Variants in VPS13B observed in about 807,000 individuals in gnomAD.
VPS13B encodes the protein intermembrane lipid transfer protein VPS13B.
A neutral mutation model predicts 426.4 loss-of-function variants in VPS13B; 285 were observed. That is an observed-to-expected ratio of 0.67 (90% confidence interval 0.61 to 0.74). The LOEUF (loss-of-function observed/expected upper bound fraction) is 0.74. Among genes scored for constraint, VPS13B ranks in the 30% least tolerant of loss-of-function variants. The pLI is 0.00. For missense variants in VPS13B, 4,537 were observed against 4,782.6 expected, an observed-to-expected ratio of 0.95 and a Z score of 1.51; for synonymous variants, 1,676 against 1,676.4, an observed-to-expected ratio of 1.00 and a Z score of 0.01.
At chr8:99,217,658 A>C (rs146652287) in intron 17 of VPS13B, among the ~76,000 whole-genome samples, 1 of 152,322 alleles carries the variant, frequency 6.6e-6, no homozygotes, top group Admixed American at 6.5e-5. Context: ...TGCGTATATG[A>C]ACCTCACTAA....
At chr8:99,871,385 G>A (rs1817405916) in intron 60 of VPS13B, 63 bp from the exon 61 acceptor site, 4 of 1,611,612 alleles carry the variant, frequency 2.5e-6, no homozygotes, top group Non-Finnish European at 3.4e-6. Flanking sequence ...TAAATAATGA[G>A]CACTGATAAG....
At chr8:99,515,835 C>G (rs1588454345) in intron 29 of VPS13B, among the ~76,000 whole-genome samples, 1 of 152,158 alleles carries the variant, frequency 6.6e-6, no homozygotes, top group South Asian at 2.1e-4. Context: ...TTATTTTTAG[C>G]CTTTTGTACA....
At chr8:99,189,958 T>C (rs548962042) in intron 16 of VPS13B, among the ~76,000 whole-genome samples, 1 of 152,286 alleles carries the variant, frequency 6.6e-6, no homozygotes, top group East Asian at 1.9e-4. Flanking sequence ...TTAGGCCAAG[T>C]TGATTGATAG....
intron 19 of VPS13B, among the ~76,000 whole-genome samples, chr8:99,311,553 G>A (rs1330314632): frequency 6.6e-5 from 10 of 152,144 alleles, no homozygotes; most frequent in Admixed American, 5.2e-4. Flanking sequence ...TATAATTTCT[G>A]TTCTTTTACA....
At chr8:99,678,688 A>T (rs1831040684) in intron 35 of VPS13B, among the ~76,000 whole-genome samples, 1 of 152,094 alleles carries the variant, frequency 6.6e-6, no homozygotes, top group Non-Finnish European at 1.5e-5. Context: ...CTCAATGCCT[A>T]CATTTATTGG....
intron 51 of VPS13B, among the ~76,000 whole-genome samples, chr8:99,826,799 A>G (rs762868117): frequency 1.5e-4 from 23 of 152,184 alleles, no homozygotes; most frequent in Admixed American, 5.9e-4. Flanking sequence ...AATTTTATCA[A>G]AGGCCTTTTT....
Position 99,877,364 on chromosome 8 carries a change from G to A in VPS13B, c.*1698G>A, listed in dbSNP as rs992391422. ...ATGTATTAATCCTTGTATCTTTTAT[G>A]GTAATTTTGCATATTGATATGAATT... On this transcript the variant is annotated 3_prime_UTR_variant, in exon 62 of 62. Transcript: ENST00000357162. 2.6e-5 allele frequency: 4 copies of A among 152,484 alleles called. No homozygotes were observed. Among genetic ancestry groups the A allele is most frequent in the Non-Finnish European group, 5.9e-5 (4 of 68,008 alleles). The allele number at this position is 152,484 out of a possible 1,614,324, so 9.4% of individuals were successfully genotyped here. A position where few individuals can be genotyped will look rare whatever the true frequency, so the allele number is the denominator to read the frequency against.
intron 19 of VPS13B, among the ~76,000 whole-genome samples, chr8:99,357,795 A>G (rs1037649751): frequency 2.0e-5 from 3 of 152,182 alleles, no homozygotes; most frequent in African/African-American, 7.2e-5. Flanking sequence ...ATGAGACAGT[A>G]AATGTAAAAT....
At chr8:99,811,383 C>G (rs1813691506) in intron 44 of VPS13B, among the ~76,000 whole-genome samples, 1 of 152,148 alleles carries the variant, frequency 6.6e-6, no homozygotes, top group Non-Finnish European at 1.5e-5. Flanking sequence ...TGTGTTTCCC[C>G]TTGGTTTTCT....
At chr8:99,194,769 C>T (rs1049066168) in intron 17 of VPS13B, among the ~76,000 whole-genome samples, 3 of 152,094 alleles carry the variant, frequency 2.0e-5, no homozygotes, top group African/African-American at 7.2e-5. Flanking sequence ...TGGACATATA[C>T]CCAGAAGTGG....
intron 17 of VPS13B, chr8:99,233,697 T>C (rs888747587): frequency 1.3e-6 from 1 of 791,490 alleles, no homozygotes; most frequent in Admixed American, 1.7e-5. Context: ...TTGCATATGC[T>C]CAAATCCTGC....
chr8:99,366,842 T>G (rs1003145305), intron 19 of VPS13B, among the ~76,000 whole-genome samples: 1 of 152,204 alleles, frequency 6.6e-6, no homozygotes, highest in African/African-American at 2.4e-5. Context: ...AGCTTATCAC[T>G]GCTTGCATAA....
Position 99,661,416 on chromosome 8 carries a change from G to T in VPS13B, c.5971G>T (p.Gly1991Ter), listed in dbSNP as rs1258380453. 6.2e-7 allele frequency: 1 copy of T among 1,613,720 alleles called. No individual in the cohort carries two copies. The highest frequency in any genetic ancestry group is 1.7e-5 in the Admixed American group (1 of 59,958). The change falls in exon 35 of 62, where the codon GGA becomes TGA. Residue 1991 changes from glycine to a stop codon, truncating the protein, a stop_gained. Transcript: ENST00000357162. LOFTEE classifies it high-confidence loss of function. Reference protein sequence around the residue: ...YCTVWLQTVPGEIDSKSGIPP... With the variant: ...YCTVWLQTVP ...CACTGTTTGGCTACAGACAGTGCCT[G>T]GAGAAATAGACAGCAAAAGTGGTAT...
At chr8:99,490,423 G>A (rs963461719) in intron 25 of VPS13B, among the ~76,000 whole-genome samples, 1 of 152,190 alleles carries the variant, frequency 6.6e-6, no homozygotes, top group African/African-American at 2.4e-5. Flanking sequence ...TATAAAATGA[G>A]TTAGGGAGGA....
intron 7 of VPS13B, chr8:99,119,334 G>T (rs1160096729): frequency 1.3e-5 from 2 of 152,354 alleles, no homozygotes; most frequent in African/African-American, 4.8e-5. Context: ...TTGAACTCCT[G>T]GGCTCAAGCA....
intron 33 of VPS13B, among the ~76,000 whole-genome samples, chr8:99,620,265 CAGTA>C (rs1160163980): frequency 6.6e-6 from 1 of 152,150 alleles, no homozygotes; most frequent in Non-Finnish European, 1.5e-5. Context: ...CTTAAGACAG[CAGTA>C]AGTTTAACCC....
intron 43 of VPS13B, among the ~76,000 whole-genome samples, chr8:99,796,229 G>A (rs76558944): frequency 0.019 from 2,940 of 152,220 alleles, 98 homozygotes; most frequent in African/African-American, 0.068. Context: ...TGTATTTGGC[G>A]ATTGGAACAT....
chr8:99,067,655 T>G (rs1657196407), intron 3 of VPS13B, among the ~76,000 whole-genome samples: 1 of 152,156 alleles, frequency 6.6e-6, no homozygotes, highest in South Asian at 2.1e-4. Context: ...AAGAAATCCA[T>G]AAATTTTGGA....
At chr8:99,692,012 A>C (rs1170289418) in intron 35 of VPS13B, among the ~76,000 whole-genome samples, 7 of 151,806 alleles carry the variant, frequency 4.6e-5, no homozygotes, top group African/African-American at 1.7e-4. Context: ...ATATATATGC[A>C]CCCAATACAG....
Sources: gnomAD v4.1 joint callset for allele counts (sites outside exome capture counted in the v4.1 genomes callset) on GRCh38, gnomAD v4.1.1 for gene constraint, MANE v1.5 for transcripts, NCBI Gene and HGNC (gene_info 2026-07-23, HGNC 2026-07-21) for gene names.